The following PTH2R variants were observed in gnomAD, a reference collection of about 807,000 sequenced individuals.
PTH2R encodes the protein PTH2 receptor.
In PTH2R, 59 loss-of-function variants were observed where a neutral mutation model predicts 60.3. The observed-to-expected ratio is 0.98, with a 90% confidence interval of 0.79 to 1.22. The LOEUF (loss-of-function observed/expected upper bound fraction) is 1.22, where lower values mean the gene tolerates loss of function less well. PTH2R is among the 50% of genes most tolerant of loss of function. The pLI, the probability that PTH2R is intolerant of heterozygous loss-of-function variation, is 0.00. For synonymous variants in PTH2R, 256 were observed against 243.8 expected (o/e 1.05, Z -0.47); for missense variants, 749 against 682.6 (o/e 1.10, Z -1.08).
At chr2:208,454,460 T>C (rs1323912541) in intron 8 of PTH2R, among the ~76,000 whole-genome samples, 1 of 152,184 alleles carries the variant, frequency 6.6e-6, no homozygotes, top group African/African-American at 2.4e-5. Flanking sequence ...CCTCTCTCTC[T>C]GTGCACACAA....
Position 208,447,606 on chromosome 2 carries a change from AAAATAAATAAATAAATAAAT to A in PTH2R, c.853+2738_853+2757del, listed in dbSNP as rs55709644. On this transcript the variant is annotated intron_variant, in intron 7 of 12. Transcript: ENST00000272847. Reference sequence around the variant, plus strand: ...CCATCTCAAAAAAAAAACAAAAAGAAAAATAAATAAATAAATAAATAAATAAATAAATAAATAATAGGAAG... The same window carrying A: ...CCATCTCAAAAAAAAAACAAAAAGAAAAATAAATAAATAAATAATAGGAAG... 1.1e-4 allele frequency among the ~76,000 whole-genome samples: 16 copies of A among 140,246 alleles called. No homozygotes were observed. The South Asian group carries it at 1.6e-3, about 14-fold the overall frequency. 92.0% of individuals were successfully genotyped at this position (140,246 alleles called of 152,430 possible).
chr2:208,452,524 C>T (rs181636478), intron 8 of PTH2R, among the ~76,000 whole-genome samples: 4 of 152,098 alleles, frequency 2.6e-5, no homozygotes. Context: ...GTTGATGGAA[C>T]CCTGGTTCTG....
At chr2:208,435,198 G>C (rs1332276025) in intron 2 of PTH2R, among the ~76,000 whole-genome samples, 1 of 152,168 alleles carries the variant, frequency 6.6e-6, no homozygotes, top group East Asian at 1.9e-4. Context: ...TTGACAAAAT[G>C]AACATTAGCC....
At chr2:208,381,834 C>T (rs1157356195) in intron 1 of PTH2R, among the ~76,000 whole-genome samples, 1 of 152,026 alleles carries the variant, frequency 6.6e-6, no homozygotes, top group Admixed American at 6.6e-5. Context: ...TAAACTAATC[C>T]CAGCAAGATA....
At chr2:208,448,771 TG>T (rs1266186037) in intron 7 of PTH2R, among the ~76,000 whole-genome samples, 2 of 151,746 alleles carry the variant, frequency 1.3e-5, no homozygotes, top group African/African-American at 4.8e-5. Context: ...TTTATTTCTG[TG>T]TTCTAAATTA....
intron 1 of PTH2R, among the ~76,000 whole-genome samples, chr2:208,389,885 T>C (rs890468081): frequency 2.6e-5 from 4 of 152,180 alleles, no homozygotes; most frequent in African/African-American, 9.7e-5. Flanking sequence ...AGTAGGTGTT[T>C]AATGGATGTT....
intron 1 of PTH2R, among the ~76,000 whole-genome samples, chr2:208,386,406 CTG>C (rs1197530524): frequency 1.3e-5 from 2 of 152,180 alleles, no homozygotes; most frequent in African/African-American, 2.4e-5. Context: ...TGTATCTTGA[CTG>C]TATCTGTGTC....
At chr2:208,397,083 C>G (rs1701223974) in intron 1 of PTH2R, among the ~76,000 whole-genome samples, 1 of 152,028 alleles carries the variant, frequency 6.6e-6, no homozygotes. Context: ...CATGTTCTCA[C>G]TCATAGGTGG....
At chr2:208,388,349 C>T (rs1701046767) in intron 1 of PTH2R, among the ~76,000 whole-genome samples, 2 of 151,938 alleles carry the variant, frequency 1.3e-5, no homozygotes, top group South Asian at 2.1e-4. Flanking sequence ...AAACTTCACG[C>T]TTCAATGGCA....
chr2:208,366,684 C>T (rs997613726), intron 1 of PTH2R, among the ~76,000 whole-genome samples: 1 of 152,170 alleles, frequency 6.6e-6, no homozygotes, highest in Non-Finnish European at 1.5e-5. Context: ...AGGACTTCTG[C>T]TCAGCTTTCT....
intron 9 of PTH2R, among the ~76,000 whole-genome samples, chr2:208,462,624 C>G (rs1702656269): frequency 6.6e-6 from 1 of 152,180 alleles, no homozygotes; most frequent in African/African-American, 2.4e-5. Flanking sequence ...GATTATTTCA[C>G]TTAGAATGCC....
At chr2:208,400,403 A>C (rs1701286019) in intron 1 of PTH2R, among the ~76,000 whole-genome samples, 1 of 152,208 alleles carries the variant, frequency 6.6e-6, no homozygotes, top group Non-Finnish European at 1.5e-5. Flanking sequence ...GGACTGCCTA[A>C]AATGAAAGGA....
chr2:208,393,592 T>C (rs1345433034), intron 1 of PTH2R, among the ~76,000 whole-genome samples: 1 of 152,224 alleles, frequency 6.6e-6, no homozygotes, highest in Non-Finnish European at 1.5e-5. Context: ...GGGTCTGCTA[T>C]AGGAGACATG....
chr2:208,443,678 T>G, intron 6 of PTH2R, 141 bp downstream of exon 6: 1 of 637,574 alleles, frequency 1.6e-6, no homozygotes, highest in Non-Finnish European at 2.4e-6. Context: ...TGTATAGTGA[T>G]GTTTTCTCCC....
At chr2:208,415,075 C>T (rs566637896) in intron 1 of PTH2R, among the ~76,000 whole-genome samples, 12 of 152,110 alleles carry the variant, frequency 7.9e-5, no homozygotes, top group South Asian at 2.1e-4. Flanking sequence ...AGACAAAGGA[C>T]GTTAGGTAAA....
chr2:208,456,855 T>A (rs927967404), intron 8 of PTH2R, among the ~76,000 whole-genome samples: 6 of 152,222 alleles, frequency 3.9e-5, no homozygotes, highest in African/African-American at 1.2e-4. Context: ...AACATTTTCT[T>A]TAAAAAGTTT....
intron 9 of PTH2R, among the ~76,000 whole-genome samples, chr2:208,463,284 C>T (rs1189509803): frequency 6.6e-6 from 1 of 152,050 alleles, no homozygotes; most frequent in Non-Finnish European, 1.5e-5. Context: ...GGGCCTTTGC[C>T]TGTGCTGTTC....
chr2:208,480,091 G>T (rs896514403), intron 9 of PTH2R, among the ~76,000 whole-genome samples: 1 of 152,096 alleles, frequency 6.6e-6, no homozygotes, highest in African/African-American at 2.4e-5. Flanking sequence ...AGTTTGGTGG[G>T]GTGTTCAGGG....
chr2:208,398,875 C>G (rs1701258359), intron 1 of PTH2R, among the ~76,000 whole-genome samples: 1 of 152,140 alleles, frequency 6.6e-6, no homozygotes, highest in Non-Finnish European at 1.5e-5. Flanking sequence ...TTCAAAGGAC[C>G]AGGCAAACAC....
Sources: allele counts gnomAD v4.1 joint callset (sites outside exome capture counted in the v4.1 genomes callset), GRCh38; gene constraint gnomAD v4.1.1; transcripts MANE v1.5; gene names NCBI Gene and HGNC (gene_info 2026-07-23, HGNC 2026-07-21).